Variants in KALRN observed in about 807,000 individuals in gnomAD.
KALRN encodes the protein kalirin RhoGEF kinase, also known as kalirin.
Under a neutral mutation model 353.7 loss-of-function variants are expected in KALRN, and 70 were observed. That is an observed-to-expected ratio of 0.20 (90% CI 0.16 to 0.24). The LOEUF (loss-of-function observed/expected upper bound fraction) is 0.24, where lower values mean the gene tolerates loss of function less well. Among genes scored for constraint, KALRN ranks in the 10% least tolerant of loss-of-function variants. The pLI, the probability that KALRN is intolerant of heterozygous loss-of-function variation, is 1.00. For synonymous variants in KALRN, 1,391 were observed against 1,434.8 expected (o/e 0.97, Z 0.69); for missense variants, 2,791 against 3,756.7 (o/e 0.74, Z 6.72).
At chr3:124,682,330 C>T (rs1374748055) in intron 51 of KALRN, among the ~76,000 whole-genome samples, 2 of 152,134 alleles carry the variant, frequency 1.3e-5, no homozygotes, top group Non-Finnish European at 2.9e-5. Context: ...CTGCAATGGG[C>T]GTTGTCTCTC....
intron 4 of KALRN, 190 bp from the exon 5 acceptor site, chr3:124,268,553 C>A: frequency 1.6e-6 from 1 of 611,280 alleles, no homozygotes; most frequent in Non-Finnish European, 2.9e-6. Flanking sequence ...AGTCAGCAGT[C>A]TGTAGAAACT....
chr3:124,530,548 C>T (rs2067953681), intron 33 of KALRN, among the ~76,000 whole-genome samples: 1 of 152,074 alleles, frequency 6.6e-6, no homozygotes, highest in Non-Finnish European at 1.5e-5. Context: ...TGTACCACCA[C>T]ACTTAACTAA....
At chr3:124,123,062 G>A (rs370805548) in intron 1 of KALRN, among the ~76,000 whole-genome samples, 17 of 152,044 alleles carry the variant, frequency 1.1e-4, no homozygotes, top group African/African-American at 1.7e-4. Context: ...TTAGCCAGGC[G>A]TGGTGGCACG....
intron 36 of KALRN, among the ~76,000 whole-genome samples, chr3:124,636,454 G>T (rs2081359142): frequency 6.6e-6 from 1 of 152,194 alleles, no homozygotes. Context: ...CAGGGGAAAA[G>T]GGACACAGGG....
chr3:124,427,283 G>A (rs911121700), intron 15 of KALRN, among the ~76,000 whole-genome samples: 3 of 152,210 alleles, frequency 2.0e-5, no homozygotes, highest in African/African-American at 7.2e-5. Context: ...CAGTCTCATA[G>A]ACCATGGATT....
chr3:124,634,038 C>CT (rs2081080598), intron 36 of KALRN, 85 bp downstream of exon 36: 2 of 955,162 alleles, frequency 2.1e-6, no homozygotes, highest in South Asian at 2.9e-5. Flanking sequence ...TAGTCATACT[C>CT]TTTCTCCCAT....
intron 38 of KALRN, 109 bp downstream of exon 38, chr3:124,651,047 A>G: frequency 7.5e-7 from 1 of 1,331,066 alleles, no homozygotes; most frequent in Non-Finnish European, 1.0e-6. Flanking sequence ...TTCCACTGAC[A>G]TCTTTCATTC....
chr3:124,165,295 C>T (rs2070654422), intron 1 of KALRN, among the ~76,000 whole-genome samples: 1 of 152,158 alleles, frequency 6.6e-6, no homozygotes, highest in African/African-American at 2.4e-5. Flanking sequence ...TACAGTACCA[C>T]TTATTAGCCC....
At chr3:124,426,838 G>T (rs1198475650) in intron 15 of KALRN, among the ~76,000 whole-genome samples, 1 of 152,192 alleles carries the variant, frequency 6.6e-6, no homozygotes, top group Non-Finnish European at 1.5e-5. Context: ...AATTCAGAAA[G>T]ATTTGAAAGA....
intron 34 of KALRN, among the ~76,000 whole-genome samples, chr3:124,607,954 G>T (rs333338): frequency 0.61 from 93,092 of 151,546 alleles, 30,039 homozygotes; most frequent in East Asian, 0.83. Flanking sequence ...TTTTTCCACT[G>T]AATGTTATCT....
At chr3:124,593,082 C>A (rs2669922) in intron 34 of KALRN, among the ~76,000 whole-genome samples, 19,478 of 152,016 alleles carry the variant, frequency 0.13, 2,803 homozygotes, top group East Asian at 0.42. Flanking sequence ...TCTTTTACAG[C>A]ATCTGGTGTG....
intron 34 of KALRN, among the ~76,000 whole-genome samples, chr3:124,598,529 A>G (rs13077896): frequency 0.15 from 23,525 of 152,122 alleles, 1,952 homozygotes; most frequent in Middle Eastern, 0.19. Flanking sequence ...AAATCTAAAG[A>G]GGACAAGGAA....
At chr3:124,497,177 G>T (rs1407727476) in intron 33 of KALRN, among the ~76,000 whole-genome samples, 1 of 152,174 alleles carries the variant, frequency 6.6e-6, no homozygotes, top group Non-Finnish European at 1.5e-5. Flanking sequence ...TTGTAGCAGG[G>T]GGAGGAAAGG....
At chr3:124,644,727 T>C (rs990644414) in intron 37 of KALRN, among the ~76,000 whole-genome samples, 4 of 152,240 alleles carry the variant, frequency 2.6e-5, no homozygotes, top group African/African-American at 9.6e-5. Flanking sequence ...AGTCTATCAT[T>C]GATGGGCATT....
intron 33 of KALRN, among the ~76,000 whole-genome samples, chr3:124,536,195 TC>T (rs1425907285): frequency 8.1e-6 from 1 of 123,430 alleles, no homozygotes; most frequent in African/African-American, 3.3e-5. Flanking sequence ...CCATCCATAC[TC>T]TTTTTTTTTT....
intron 6 of KALRN, among the ~76,000 whole-genome samples, chr3:124,305,440 G>A (rs2077606932): frequency 6.6e-6 from 1 of 152,198 alleles, no homozygotes; most frequent in African/African-American, 2.4e-5. Flanking sequence ...GCATATGTCT[G>A]TGGAACCACT....
Position 124,560,538 on chromosome 3 carries a change from T to G in KALRN, c.4936-2305T>G, listed in dbSNP as rs564875029. On this transcript the variant is annotated intron_variant, in intron 33 of 59. Transcript: ENST00000682506. ...GTGGAGCTTGTGTTTCAGTGATAAA[T>G]CTATTCACATGTAGTGTTCCCTGGT... Among the ~76,000 whole-genome samples the G allele has an allele frequency of 5.9e-5, 9 of 152,320 alleles. No homozygotes were observed. The East Asian group carries it at 1.7e-3, about 29-fold the overall frequency.
At chr3:124,556,625 C>T (rs1363387081) in intron 33 of KALRN, among the ~76,000 whole-genome samples, 1 of 152,138 alleles carries the variant, frequency 6.6e-6, no homozygotes, top group Non-Finnish European at 1.5e-5. Flanking sequence ...TCTATCCGCT[C>T]CCCCATTTCT....
intron 6 of KALRN, among the ~76,000 whole-genome samples, chr3:124,310,418 T>C (rs1466898935): frequency 6.6e-6 from 1 of 152,218 alleles, no homozygotes; most frequent in East Asian, 1.9e-4. Context: ...AAACTGATTC[T>C]AAAATTCATG....
Sources: allele counts gnomAD v4.1 joint callset (sites outside exome capture counted in the v4.1 genomes callset), GRCh38; gene constraint gnomAD v4.1.1; transcripts MANE v1.5; gene names NCBI Gene and HGNC (gene_info 2026-07-23, HGNC 2026-07-21).